Variants in SNTG1 observed in about 807,000 individuals in gnomAD.
SNTG1 encodes the protein gamma-1-syntrophin.
SNTG1 carries 39 observed loss-of-function variants against 74.7 expected under a neutral mutation model. The ratio of observed to expected loss-of-function variants is 0.52; its 90% CI spans 0.40 to 0.68. The LOEUF (loss-of-function observed/expected upper bound fraction) is 0.68. Ranked by LOEUF, SNTG1 falls within the 30% of genes least tolerant of loss-of-function variation. The pLI is 0.00. For synonymous variants in SNTG1, 254 were observed against 217.1 expected, an observed-to-expected ratio of 1.17 and a Z score of -1.49; for missense variants, 685 against 609.5, an observed-to-expected ratio of 1.12 and a Z score of -1.30.
chr8:50,017,515 C>A (rs1948002), intron 1 of SNTG1, among the ~76,000 whole-genome samples: 16,544 of 151,802 alleles, frequency 0.11, 2,420 homozygotes, highest in African/African-American at 0.32. Flanking sequence ...CAATAATATG[C>A]TGTTTACAAG....
chr8:50,525,183 C>T (rs1026196674), intron 9 of SNTG1, among the ~76,000 whole-genome samples: 2 of 152,096 alleles, frequency 1.3e-5, no homozygotes, highest in African/African-American at 4.8e-5. Flanking sequence ...TTTCTTTCAG[C>T]ACTTTGAATA....
intron 1 of SNTG1, among the ~76,000 whole-genome samples, chr8:49,991,122 G>A (rs963266729): frequency 6.6e-6 from 1 of 152,044 alleles, no homozygotes; most frequent in Non-Finnish European, 1.5e-5. Context: ...AACTTAAAAT[G>A]GACAAAGAGT....
intron 1 of SNTG1, among the ~76,000 whole-genome samples, chr8:49,958,887 A>T (rs1810427626): frequency 6.6e-6 from 1 of 152,232 alleles, no homozygotes; most frequent in African/African-American, 2.4e-5. Flanking sequence ...CAAAGCAAAG[A>T]TTATGGCCTT....
At chr8:50,177,421 C>T (rs2083039959) in intron 2 of SNTG1, among the ~76,000 whole-genome samples, 1 of 152,164 alleles carries the variant, frequency 6.6e-6, no homozygotes, top group Non-Finnish European at 1.5e-5. Context: ...CATTCCCGAA[C>T]ATCCCTGCTT....
At chr8:50,029,802 A>G (rs908234571) in intron 1 of SNTG1, among the ~76,000 whole-genome samples, 4 of 152,162 alleles carry the variant, frequency 2.6e-5, no homozygotes, top group African/African-American at 9.7e-5. Context: ...TAGTGCTGCA[A>G]TAAACACAGG....
rs2080985505 is a variant in SNTG1, at chr8:50,121,120, A to T, written c.-102-51441A>T. Among the ~76,000 whole-genome samples, 2 of 142,676 alleles carry T rather than the reference A, an allele frequency of 1.4e-5. 1 individual carries two copies. 93.6% of individuals were successfully genotyped at this position (142,676 alleles called of 152,430 possible). A position where few individuals can be genotyped will look rare whatever the true frequency, so the allele number is the denominator to read the frequency against. ...TTGAAAATAAATGCACACTTGCCAT[A>T]CACAAAAAACTAGTCTCTCAAGACC... On this transcript the variant is annotated intron_variant, in intron 1 of 18. Coordinates refer to ENST00000642720, the MANE Select transcript of SNTG1 (RefSeq NM_018967.5).
chr8:50,158,465 C>A (rs544881683), intron 1 of SNTG1, among the ~76,000 whole-genome samples: 66 of 152,228 alleles, frequency 4.3e-4, no homozygotes, highest in African/African-American at 1.6e-3. Context: ...TGCCTATGAT[C>A]ATGGAGCACA....
intron 13 of SNTG1, among the ~76,000 whole-genome samples, chr8:50,605,832 T>C (rs1481748888): frequency 2.0e-5 from 3 of 152,176 alleles, no homozygotes; most frequent in Admixed American, 6.5e-5. Context: ...CATCTTGCTC[T>C]GACCTAACTG....
chr8:50,465,197 A>G (rs2093599288), intron 8 of SNTG1, among the ~76,000 whole-genome samples: 1 of 152,098 alleles, frequency 6.6e-6, no homozygotes, highest in Non-Finnish European at 1.5e-5. Flanking sequence ...TGCTCATCTC[A>G]TTCTAACAAA....
At chr8:50,696,136 A>G (rs2095404335) in intron 15 of SNTG1, among the ~76,000 whole-genome samples, 1 of 151,894 alleles carries the variant, frequency 6.6e-6, no homozygotes, top group Non-Finnish European at 1.5e-5. Context: ...CTGTTATTTT[A>G]TGACATTTTA....
intron 11 of SNTG1, among the ~76,000 whole-genome samples, chr8:50,545,394 C>A (rs1347462074): frequency 6.6e-6 from 1 of 150,476 alleles, no homozygotes; most frequent in African/African-American, 2.4e-5. Context: ...ATTGGCTGGT[C>A]TTTTAATCTC....
chr8:50,477,332 T>C (rs1343019983), intron 8 of SNTG1, among the ~76,000 whole-genome samples: 1 of 152,100 alleles, frequency 6.6e-6, no homozygotes, highest in Non-Finnish European at 1.5e-5. Flanking sequence ...GCATGTACAC[T>C]TGATGTGATA....
At chr8:50,311,791 T>C (rs762265786) in intron 2 of SNTG1, among the ~76,000 whole-genome samples, 6 of 152,202 alleles carry the variant, frequency 3.9e-5, no homozygotes, top group Admixed American at 1.3e-4. Context: ...AGAAAATACA[T>C]GGAAATACAC....
intron 2 of SNTG1, among the ~76,000 whole-genome samples, chr8:50,365,814 T>C (rs1200435005): frequency 1.3e-5 from 2 of 152,188 alleles, no homozygotes; most frequent in Non-Finnish European, 2.9e-5. Context: ...TGCTTATTCA[T>C]TTTAAAATGC....
At chr8:50,700,640 G>GTC (rs1250084494) in intron 15 of SNTG1, among the ~76,000 whole-genome samples, 4 of 152,032 alleles carry the variant, frequency 2.6e-5, no homozygotes, top group African/African-American at 9.7e-5. Flanking sequence ...TTGTCTTTAA[G>GTC]TCCTTGATGG....
At chr8:50,399,943 G>C (rs749148083) in intron 3 of SNTG1, among the ~76,000 whole-genome samples, 1 of 152,028 alleles carries the variant, frequency 6.6e-6, no homozygotes, top group Non-Finnish European at 1.5e-5. Context: ...TCATGAAAAA[G>C]CTTCTGTTTT....
chr8:50,193,123 G>T (rs2083637658), intron 2 of SNTG1, among the ~76,000 whole-genome samples: 1 of 151,920 alleles, frequency 6.6e-6, no homozygotes, highest in South Asian at 2.1e-4. Context: ...GTCTGCTTTG[G>T]CTGTGTGGGC....
intron 15 of SNTG1, among the ~76,000 whole-genome samples, chr8:50,666,387 C>T (rs182962339): frequency 6.6e-6 from 1 of 152,196 alleles, no homozygotes; most frequent in African/African-American, 2.4e-5. Flanking sequence ...TAGACCACAT[C>T]AGAGTCCTTG....
At chr8:50,787,636 A>T (rs949334160) in intron 18 of SNTG1, among the ~76,000 whole-genome samples, 1 of 152,068 alleles carries the variant, frequency 6.6e-6, no homozygotes, top group African/African-American at 2.4e-5. Flanking sequence ...GGAGGAAGAG[A>T]TATGTCCATA....
Sources: gnomAD v4.1 joint callset for allele counts (sites outside exome capture counted in the v4.1 genomes callset) on GRCh38, gnomAD v4.1.1 for gene constraint, MANE v1.5 for transcripts, NCBI Gene and HGNC (gene_info 2026-07-23, HGNC 2026-07-21) for gene names.